The following ENTREP2 variants were observed in gnomAD, a reference collection of about 807,000 sequenced individuals.
The protein encoded by ENTREP2 is endosomal transmembrane epsin interactor 2, also known as protein ENTREP2.
chr15:29,668,351 T>C, the ENTREP2 span, among the ~76,000 whole-genome samples: 1 of 152,152 alleles, frequency 6.6e-6, no homozygotes, highest in Non-Finnish European at 1.5e-5. Context: ...GGAAAACAGT[T>C]TGGTGCGTCC....
chr15:29,450,272 T>C, the ENTREP2 span, among the ~76,000 whole-genome samples: 1 of 152,236 alleles, frequency 6.6e-6, no homozygotes, highest in Non-Finnish European at 1.5e-5. Flanking sequence ...CAATTTTTGC[T>C]TTTGGTGGTG....
the ENTREP2 span, among the ~76,000 whole-genome samples, chr15:29,444,376 A>AG: frequency 6.6e-6 from 1 of 152,288 alleles, no homozygotes; most frequent in South Asian, 2.1e-4. Context: ...CGGGATAAAA[A>AG]GGAAAGTGGT....
the ENTREP2 span, among the ~76,000 whole-genome samples, chr15:29,175,926 A>G: frequency 6.6e-6 from 1 of 152,094 alleles, no homozygotes; most frequent in Admixed American, 6.5e-5. Flanking sequence ...TCATTGCTCT[A>G]CTTTCTGGGT....
At chr15:29,184,766 C>T in the ENTREP2 span, among the ~76,000 whole-genome samples, 1 of 152,168 alleles carries the variant, frequency 6.6e-6, no homozygotes, top group African/African-American at 2.4e-5. Context: ...TGCTCTGCTC[C>T]TTTGTCCAGT....
At chr15:29,176,862 T>G in the ENTREP2 span, among the ~76,000 whole-genome samples, 9 of 152,236 alleles carry the variant, frequency 5.9e-5, no homozygotes, top group Admixed American at 5.2e-4. Context: ...CCCAGGTTGG[T>G]GTCTGTGCCC....
the ENTREP2 span, among the ~76,000 whole-genome samples, chr15:29,131,774 C>T: frequency 2.7e-5 from 4 of 146,190 alleles, no homozygotes; most frequent in African/African-American, 5.1e-5. Context: ...GTCCTACATC[C>T]TCTGGAGGGC....
At chr15:29,547,603 G>A in the ENTREP2 span, among the ~76,000 whole-genome samples, 1 of 152,116 alleles carries the variant, frequency 6.6e-6, no homozygotes, top group South Asian at 2.1e-4. Flanking sequence ...GTGTTGGAGA[G>A]GATGTGGAAA....
At chr15:29,124,338 G>C in the ENTREP2 span, among the ~76,000 whole-genome samples, 1 of 152,254 alleles carries the variant, frequency 6.6e-6, no homozygotes, top group Non-Finnish European at 1.5e-5. Flanking sequence ...CACAAAGTTG[G>C]AACATTCTGG....
chr15:29,405,004 G>A, the ENTREP2 span, among the ~76,000 whole-genome samples: 3 of 152,112 alleles, frequency 2.0e-5, no homozygotes, highest in African/African-American at 7.2e-5. Context: ...CACCTGGCAG[G>A]AGAGCTACTG....
the ENTREP2 span, among the ~76,000 whole-genome samples, chr15:29,356,268 G>GTATATATA: frequency 1.5e-3 from 86 of 57,610 alleles, no homozygotes; most frequent in African/African-American, 5.5e-3. Flanking sequence ...GTGTGTGTGT[G>GTATATATA]TATATATATA....
the ENTREP2 span, among the ~76,000 whole-genome samples, chr15:29,662,966 GCCT>G: frequency 2.6e-5 from 4 of 151,842 alleles, no homozygotes; most frequent in East Asian, 8.0e-4. Context: ...GCCCGCCTCG[GCCT>G]CCCAAAGTGC....
the ENTREP2 span, among the ~76,000 whole-genome samples, chr15:29,157,996 C>T: frequency 1.3e-5 from 2 of 152,106 alleles, no homozygotes; most frequent in East Asian, 1.9e-4. Context: ...GGATTATAGA[C>T]GTGAGCCACT....
the ENTREP2 span, among the ~76,000 whole-genome samples, chr15:29,132,464 G>A: frequency 2.0e-5 from 3 of 152,168 alleles, no homozygotes; most frequent in African/African-American, 7.2e-5. Context: ...CCAGGGACAG[G>A]CCCTGCAGGC....
At chr15:29,600,790 A>G in the ENTREP2 span, among the ~76,000 whole-genome samples, 1 of 151,950 alleles carries the variant, frequency 6.6e-6, no homozygotes, top group Non-Finnish European at 1.5e-5. Context: ...AATTATTCAT[A>G]TACAGGTAGT....
chr15:29,641,618 G>C, the ENTREP2 span, among the ~76,000 whole-genome samples: 8,129 of 152,068 alleles, frequency 0.053, 639 homozygotes, highest in African/African-American at 0.17. Context: ...GATCACTTGA[G>C]GTCAGGAGTT....
At chr15:29,373,701 A>G in the ENTREP2 span, 467 of 152,202 alleles carry the variant, frequency 3.1e-3, 5 homozygotes, top group African/African-American at 0.011. Context: ...TAAGAATCAT[A>G]TAATTGTTTG....
the ENTREP2 span, among the ~76,000 whole-genome samples, chr15:29,480,834 G>A: frequency 2.3e-4 from 35 of 152,162 alleles, no homozygotes; most frequent in Non-Finnish European, 1.5e-4. Flanking sequence ...TGGGGGGTGA[G>A]AGTCTGGGAG....
the ENTREP2 span, among the ~76,000 whole-genome samples, chr15:29,275,311 C>G: frequency 4.1e-3 from 626 of 152,136 alleles, no homozygotes; most frequent in Admixed American, 9.0e-3. Context: ...AAAAATCAAC[C>G]CTGATTTTCT....
At chr15:29,178,285 AC>A in the ENTREP2 span, among the ~76,000 whole-genome samples, 1 of 147,792 alleles carries the variant, frequency 6.8e-6, no homozygotes, top group Non-Finnish European at 1.5e-5. Context: ...CAGAGCAAGA[AC>A]CTGTCTTAAA....
Sources: gnomAD v4.1 joint callset for allele counts (sites outside exome capture counted in the v4.1 genomes callset) on GRCh38, gnomAD v4.1.1 for gene constraint, MANE v1.5 for transcripts, NCBI Gene and HGNC (gene_info 2026-07-23, HGNC 2026-07-21) for gene names.